NREP: variants seen among roughly 807,000 people sequenced by gnomAD.
NREP encodes the protein neuronal regeneration-related protein.
Under a neutral mutation model 8.6 loss-of-function variants are expected in NREP, and 5 were observed. The observed-to-expected ratio is 0.58, with a 90% CI of 0.30 to 1.22. NREP has a LOEUF of 1.22. Among genes scored for constraint, NREP ranks in the 50% most tolerant of loss-of-function variants. The probability of loss-of-function intolerance (pLI) is 0.07; values close to 1 mark genes in which losing one functional copy is unlikely to be tolerated. For synonymous variants in NREP, 27 were observed against 28.0 expected, an observed-to-expected ratio of 0.96 and a Z score of 0.11; for missense variants, 86 against 82.5, an observed-to-expected ratio of 1.04 and a Z score of -0.17.
chr5:111,877,529 T>C (rs1275394650), intron 2 of NREP, among the ~76,000 whole-genome samples: 1 of 152,188 alleles, frequency 6.6e-6, no homozygotes, highest in African/African-American at 2.4e-5. Flanking sequence ...GAGTTGGTTG[T>C]GTTAGTTAAT....
intron 2 of NREP, among the ~76,000 whole-genome samples, chr5:111,835,962 A>AG (rs1752883293): frequency 6.6e-6 from 1 of 152,132 alleles, no homozygotes; most frequent in Admixed American, 6.6e-5. Flanking sequence ...ACTTTAAAAG[A>AG]GAAGTGAGGA....
chr5:111,757,756 C>G (rs1437601773), upstream of NREP: 2 of 973,782 alleles, frequency 2.1e-6, no homozygotes, highest in African/African-American at 1.8e-5. Flanking sequence ...GCGCGCAAAT[C>G]CCCGGCCTTC....
At chr5:111,793,983 A>G (rs1362018205) in intron 2 of NREP, among the ~76,000 whole-genome samples, 1 of 152,210 alleles carries the variant, frequency 6.6e-6, no homozygotes, top group Non-Finnish European at 1.5e-5. Context: ...ACTGGAGCCA[A>G]GAGGAGAAGG....
At chr5:111,821,170 A>AC (rs1752505714) in intron 2 of NREP, among the ~76,000 whole-genome samples, 1 of 152,098 alleles carries the variant, frequency 6.6e-6, no homozygotes. Flanking sequence ...TGCACACAGC[A>AC]CTCCGCTGGT....
intron 2 of NREP, among the ~76,000 whole-genome samples, chr5:111,950,488 C>A (rs746915015): frequency 6.6e-6 from 1 of 152,034 alleles, no homozygotes; most frequent in Non-Finnish European, 1.5e-5. Context: ...TATGCATGGG[C>A]GAAGCCTTCA....
chr5:111,837,052 G>A (rs550846032), intron 2 of NREP, among the ~76,000 whole-genome samples: 1 of 152,036 alleles, frequency 6.6e-6, no homozygotes, highest in South Asian at 2.1e-4. Flanking sequence ...TATTTTGATG[G>A]GCAAGATTTA....
intron 2 of NREP, among the ~76,000 whole-genome samples, chr5:111,931,342 A>T (rs1180937750): frequency 6.6e-6 from 1 of 152,070 alleles, no homozygotes; most frequent in East Asian, 1.9e-4. Context: ...CTCTTTAGTC[A>T]CTTTCTCCTG....
chr5:111,831,809 G>A (rs1365906669), intron 2 of NREP, among the ~76,000 whole-genome samples: 1 of 152,162 alleles, frequency 6.6e-6, no homozygotes, highest in Non-Finnish European at 1.5e-5. Context: ...AGGGAAGTCT[G>A]GTTGGCACGC....
intron 2 of NREP, among the ~76,000 whole-genome samples, chr5:111,842,739 T>C (rs1360590378): frequency 1.4e-4 from 21 of 152,206 alleles, no homozygotes; most frequent in Admixed American, 1.4e-3. Flanking sequence ...CCTTTAGCAT[T>C]TCTTGTTAGG....
At chr5:111,973,036 A>T (rs1415564958) in intron 2 of NREP, among the ~76,000 whole-genome samples, 1 of 152,160 alleles carries the variant, frequency 6.6e-6, no homozygotes, top group Non-Finnish European at 1.5e-5. Flanking sequence ...CACCCATGAA[A>T]CTGGCCCTGC....
chr5:111,955,475 A>C lies in NREP; in HGVS notation c.135+19799T>G, dbSNP rs191942187. On this transcript the variant is annotated intron_variant, in intron 2 of 3. Transcript: ENST00000395634. Reference sequence around the variant, plus strand: ...TACACAGGGGGCCAATACAGAAAAAAAAAAAACAAAAAACAAAAAACAAAA... The same window carrying C: ...TACACAGGGGGCCAATACAGAAAAACAAAAAACAAAAAACAAAAAACAAAA... Among the ~76,000 whole-genome samples, 466 of 123,828 alleles carry C rather than the reference A, an allele frequency of 3.8e-3. 1 individual carries two copies. Among genetic ancestry groups the C allele is most frequent in the Middle Eastern group, 8.3e-3 (2 of 242 alleles). The allele number at this position is 123,828 out of a possible 152,430, so 81.2% of individuals were successfully genotyped here. A position where few individuals can be genotyped will look rare whatever the true frequency, so the allele number is the denominator to read the frequency against.
chr5:111,780,873 A>T (rs1751477262), intron 2 of NREP, among the ~76,000 whole-genome samples: 1 of 149,666 alleles, frequency 6.7e-6, no homozygotes, highest in South Asian at 2.2e-4. Flanking sequence ...CAAGAAATAG[A>T]GTCTATGTTC....
At chr5:111,869,579 A>G (rs1328092372) in intron 2 of NREP, among the ~76,000 whole-genome samples, 1 of 152,140 alleles carries the variant, frequency 6.6e-6, no homozygotes, top group African/African-American at 2.4e-5. Flanking sequence ...GATGCAGTAT[A>G]ATGTCATGGC....
intron 2 of NREP, among the ~76,000 whole-genome samples, chr5:111,935,153 T>C (rs562322086): frequency 1.9e-4 from 29 of 152,296 alleles, no homozygotes; most frequent in African/African-American, 6.7e-4. Flanking sequence ...TCTCCTTTGA[T>C]ACATTGCACT....
chr5:111,797,014 T>C (rs1751886931), intron 2 of NREP, among the ~76,000 whole-genome samples: 1 of 151,964 alleles, frequency 6.6e-6, no homozygotes. Flanking sequence ...GTCTTGGGAA[T>C]GACAAGGTTC....
At chr5:111,938,553 G>A (rs1457040113) in intron 2 of NREP, among the ~76,000 whole-genome samples, 1 of 152,052 alleles carries the variant, frequency 6.6e-6, no homozygotes, top group Non-Finnish European at 1.5e-5. Context: ...GACTCTGTAG[G>A]CAGATGACAT....
At chr5:111,963,320 C>A (rs1756533633) in intron 2 of NREP, among the ~76,000 whole-genome samples, 1 of 152,252 alleles carries the variant, frequency 6.6e-6, no homozygotes, top group Admixed American at 6.5e-5. Context: ...ACCCCCATTG[C>A]AAGTCCAACA....
chr5:111,944,482 A>T (rs559610469), intron 2 of NREP, among the ~76,000 whole-genome samples: 3 of 152,046 alleles, frequency 2.0e-5, no homozygotes, highest in South Asian at 4.2e-4. Flanking sequence ...TAATTTTTGT[A>T]TTTTTTGTAG....
rs530911341 is a variant in NREP, at chr5:111,763,840, T to C, written c.136-28333A>G. 4.6e-5 allele frequency among the ~76,000 whole-genome samples: 7 copies of C among 152,358 alleles called. No homozygotes were observed. In the South Asian group the frequency reaches 8.3e-4, roughly 18 times the overall value. ...AATTTGCATTAACAAAGTAGAATGT[T>C]TGTTCCCCCTGGAAGAATTTTTTGA... On this transcript the variant is annotated intron_variant, in intron 2 of 3. Transcript: ENST00000395634.
Sources: gnomAD v4.1 joint callset for allele counts (sites outside exome capture counted in the v4.1 genomes callset) on GRCh38, gnomAD v4.1.1 for gene constraint, MANE v1.5 for transcripts, NCBI Gene and HGNC (gene_info 2026-07-23, HGNC 2026-07-21) for gene names.